HEPH: variants seen among roughly 807,000 people sequenced by gnomAD.
HEPH encodes the protein hephaestin.
In HEPH, 69 loss-of-function variants were observed where a neutral mutation model predicts 80.8. The ratio of observed to expected loss-of-function variants is 0.85; its 90% CI spans 0.70 to 1.04. The LOEUF (loss-of-function observed/expected upper bound fraction) is 1.04. Among genes scored for constraint, HEPH ranks in the 50% least tolerant of loss-of-function variants. The pLI, the probability that HEPH is intolerant of heterozygous loss-of-function variation, is 0.00. For missense variants in HEPH, 1,115 were observed against 891.3 expected (o/e 1.25, Z -3.20); for synonymous variants, 431 against 322.8 (o/e 1.34, Z -3.60).
chrX:66,203,899 C>T (rs1024999137), intron 13 of HEPH, among the ~76,000 whole-genome samples: 4 of 112,552 alleles, frequency 3.6e-5, no homozygotes, highest in African/African-American at 9.7e-5. Flanking sequence ...GCTCAGCTGT[C>T]CCTTGACAAA....
chrX:66,172,394 A>C lies in HEPH; in HGVS notation c.207A>C (p.Ile69=), dbSNP rs772534626. ...TCTTAAAGTCTGACAAGAACCGGAT[A>C]GGGGGAACCTACAAGAAGACCATCT... ...SSFLKSDKNR[I]GGTYKKTIYK... Residue 69 remains isoleucine (I), a synonymous_variant, in exon 3 of 21, where the codon ATA becomes ATC. Coordinates refer to ENST00000343002, the MANE Select transcript of HEPH (RefSeq NM_001367233.3). The C allele has an allele frequency of 8.4e-7, 1 of 1,197,485 alleles. No homozygotes were observed. Among genetic ancestry groups the C allele is most frequent in the Admixed American group, 2.2e-5 (1 of 44,656 alleles).
intron 9 of HEPH, among the ~76,000 whole-genome samples, chrX:66,197,434 T>TGG (rs2147763151): frequency 9.0e-6 from 1 of 111,164 alleles, no homozygotes; most frequent in Admixed American, 9.6e-5. Context: ...CAAAGTCCTA[T>TGG]GATTTTGGAA....
intron 2 of HEPH, among the ~76,000 whole-genome samples, chrX:66,171,999 G>A (rs1447236599): frequency 8.9e-6 from 1 of 111,920 alleles, no homozygotes; most frequent in Non-Finnish European, 1.9e-5. Flanking sequence ...TATGCCCTAA[G>A]GCCTCCCATA....
chrX:66,259,106 G>A (rs1200940078), intron 18 of HEPH, 127 bp downstream of exon 18: 9 of 704,422 alleles, frequency 1.3e-5, no homozygotes, highest in Non-Finnish European at 1.6e-5. Context: ...AGTACATGGA[G>A]CACTGAGCTG....
intron 15 of HEPH, among the ~76,000 whole-genome samples, chrX:66,218,787 G>A (rs1163658392): frequency 9.0e-6 from 1 of 110,741 alleles, no homozygotes; most frequent in Non-Finnish European, 1.9e-5. Context: ...TAATTAGAAT[G>A]GAACAGAACA....
chrX:66,186,623 C>T lies in HEPH; in HGVS notation c.626-1736C>T, dbSNP rs2087463130. Reference sequence around the variant, plus strand: ...GTCTGGCACTCCCTAGTGAGATGAACCCGGTACCTCAGATGGAAATGCAGA... The same window carrying T: ...GTCTGGCACTCCCTAGTGAGATGAATCCGGTACCTCAGATGGAAATGCAGA... On this transcript the variant is annotated intron_variant, in intron 4 of 20. Coordinates refer to ENST00000343002, the MANE Select transcript of HEPH (RefSeq NM_001367233.3). Among the ~76,000 whole-genome samples the T allele has an allele frequency of 3.6e-5, 4 of 111,952 alleles. No homozygotes were observed. The Admixed American group carries it at 3.7e-4, about 10-fold the overall frequency.
At chrX:66,245,612 G>C (rs1370115158) in intron 15 of HEPH, among the ~76,000 whole-genome samples, 1 of 111,255 alleles carries the variant, frequency 9.0e-6, no homozygotes, top group African/African-American at 3.3e-5. Flanking sequence ...ACTGAACTCA[G>C]CTCTGCACCA....
At chrX:66,236,142 A>G (rs2090353179) in intron 15 of HEPH, among the ~76,000 whole-genome samples, 3 of 110,913 alleles carry the variant, frequency 2.7e-5, no homozygotes, top group African/African-American at 9.8e-5. Flanking sequence ...TTCCAATACT[A>G]TGTTGATTGG....
intron 9 of HEPH, 128 bp downstream of exon 9, chrX:66,195,357 T>A (rs773268485): frequency 1.7e-4 from 78 of 460,240 alleles, no homozygotes; most frequent in Non-Finnish European, 2.3e-4. Context: ...TGTTGTTGAA[T>A]GAATGAATAA....
At chrX:66,187,948 C>T (rs1027636838) in intron 4 of HEPH, among the ~76,000 whole-genome samples, 4 of 111,813 alleles carry the variant, frequency 3.6e-5, no homozygotes, top group Non-Finnish European at 7.5e-5. Context: ...AGTCAAGTCG[C>T]ATTGAAATCA....
At chrX:66,210,282 G>T (rs1389548533) in intron 15 of HEPH, among the ~76,000 whole-genome samples, 1 of 112,190 alleles carries the variant, frequency 8.9e-6, no homozygotes, top group Non-Finnish European at 1.9e-5. Flanking sequence ...ATAGGGAAAT[G>T]GCTGATGATT....
intron 4 of HEPH, among the ~76,000 whole-genome samples, chrX:66,186,283 C>T (rs1463203675): frequency 4.8e-5 from 5 of 104,707 alleles, no homozygotes; most frequent in African/African-American, 1.4e-4. Context: ...TGGGCAATGG[C>T]GGGCGCCCCT....
At chrX:66,166,678 G>A (rs186281262) in intron 1 of HEPH, among the ~76,000 whole-genome samples, 1 of 112,051 alleles carries the variant, frequency 8.9e-6, no homozygotes, top group East Asian at 2.8e-4. Context: ...AGTCCCAGCT[G>A]CTGCAAAAAT....
intron 15 of HEPH, among the ~76,000 whole-genome samples, chrX:66,251,840 G>A (rs750862464): frequency 1.8e-5 from 2 of 112,090 alleles, no homozygotes; most frequent in Non-Finnish European, 3.8e-5. Flanking sequence ...TAGATATAAA[G>A]AATGATAAGT....
At chrX:66,230,413 T>C (rs2090078272) in intron 15 of HEPH, among the ~76,000 whole-genome samples, 1 of 106,687 alleles carries the variant, frequency 9.4e-6, no homozygotes, top group Non-Finnish European at 1.9e-5. Context: ...GTGTTCCTAT[T>C]TCTCCACATC....
At chrX:66,227,220 C>T (rs1022630510) in intron 15 of HEPH, among the ~76,000 whole-genome samples, 1 of 111,806 alleles carries the variant, frequency 8.9e-6, no homozygotes, top group Non-Finnish European at 1.9e-5. Context: ...AAGCATTTGA[C>T]AAAATCTAGC....
chrX:66,229,989 T>C (rs1458057179), intron 15 of HEPH, among the ~76,000 whole-genome samples: 2 of 93,337 alleles, frequency 2.1e-5, no homozygotes, highest in African/African-American at 8.1e-5. Flanking sequence ...TGTGATCTCA[T>C]TGTTCAATTC....
At chrX:66,206,414 G>A (rs1177705158) in intron 13 of HEPH, among the ~76,000 whole-genome samples, 3 of 82,045 alleles carry the variant, frequency 3.7e-5, no homozygotes, top group Non-Finnish European at 6.6e-5. Context: ...CCAGGCTGGA[G>A]TGCAGTGGCA....
upstream of HEPH, chrX:66,164,234 A>G: frequency 4.0e-6 from 3 of 754,383 alleles, no homozygotes; most frequent in Non-Finnish European, 4.7e-6. Context: ...ACCAGGCCCC[A>G]GAGGAACAGG....
Sources: gnomAD v4.1 joint callset for allele counts (sites outside exome capture counted in the v4.1 genomes callset) on GRCh38, gnomAD v4.1.1 for gene constraint, MANE v1.5 for transcripts, NCBI Gene and HGNC (gene_info 2026-07-23, HGNC 2026-07-21) for gene names.